ME3: variants seen among roughly 807,000 people sequenced by gnomAD.
The protein encoded by ME3 is NADP-dependent malic enzyme, mitochondrial.
In ME3, 48 loss-of-function variants were observed where a neutral mutation model predicts 68.9. The ratio of observed to expected loss-of-function variants is 0.70; its 90% CI spans 0.55 to 0.89. The LOEUF (loss-of-function observed/expected upper bound fraction) is 0.89. Ranked by LOEUF, ME3 falls within the 40% of genes least tolerant of loss-of-function variation. The pLI, the probability that ME3 is intolerant of heterozygous loss-of-function variation, is 0.00. For missense variants in ME3, 675 were observed against 797.4 expected (o/e 0.85, Z 1.85); for synonymous variants, 320 against 318.8 (o/e 1.00, Z -0.04).
rs1472761948 is a variant in ME3 at position 86,632,064 on chromosome 11, C to T, written c.183+39698G>A. Among the ~76,000 whole-genome samples, 3 of 152,166 alleles carry T rather than the reference C, an allele frequency of 2.0e-5. No individual in the cohort carries two copies. The East Asian group carries it at 5.8e-4, about 29-fold the overall frequency. ...TTTTATTTTACCTATATGAAGAAGACCACAGATGAAGAAACTGAGGCTTAA... is the reference window on the plus strand; with the variant it reads ...TTTTATTTTACCTATATGAAGAAGATCACAGATGAAGAAACTGAGGCTTAA... On this transcript the variant is annotated intron_variant, in intron 2 of 14. Transcript: ENST00000543262.
chr11:86,660,573 T>C (rs568726230), intron 2 of ME3, among the ~76,000 whole-genome samples: 2 of 152,360 alleles, frequency 1.3e-5, no homozygotes, highest in African/African-American at 4.8e-5. Flanking sequence ...TAGATTGTTC[T>C]GAGTGTAATT....
At position 86,555,640 on chromosome 11, in the gene ME3, T is replaced by C. The variant is rs146292971; in HGVS notation, c.467+913A>G. On this transcript the variant is annotated intron_variant, in intron 4 of 14. Coordinates refer to ENST00000543262, the Ensembl canonical transcript of ME3. ...GATCCGGAAAGAAACAGGACTGGCATTGGGAACACACTGTGACCATCTTGT... is the reference window on the plus strand; with the variant it reads ...GATCCGGAAAGAAACAGGACTGGCACTGGGAACACACTGTGACCATCTTGT... Among the ~76,000 whole-genome samples, 13 of 152,324 alleles carry C rather than the reference T, an allele frequency of 8.5e-5. No individual in the cohort carries two copies. The East Asian group carries it at 2.5e-3, about 29-fold the overall frequency.
intron 7 of ME3, among the ~76,000 whole-genome samples, chr11:86,481,233 T>G (rs2511086): frequency 8.6e-5 from 5 of 58,172 alleles, no homozygotes; most frequent in Non-Finnish European, 1.4e-4. Context: ...TTTTTTTTTT[T>G]GGGAGACGGG....
At chr11:86,608,801 C>CAGATAATTAACTGGTATATA (rs1942343435) in intron 2 of ME3, among the ~76,000 whole-genome samples, 1 of 152,078 alleles carries the variant, frequency 6.6e-6, no homozygotes, top group Non-Finnish European at 1.5e-5. Context: ...ACTGGTATAT[C>CAGATAATTAACTGGTATATA]AGATAATTAA....
At chr11:86,651,535 T>C (rs924657939) in intron 2 of ME3, among the ~76,000 whole-genome samples, 9 of 152,244 alleles carry the variant, frequency 5.9e-5, no homozygotes, top group Admixed American at 1.3e-4. Context: ...CTGAGGGTCC[T>C]GACTGTTAGA....
intron 2 of ME3, among the ~76,000 whole-genome samples, chr11:86,651,619 A>C (rs1945436547): frequency 6.6e-6 from 1 of 152,232 alleles, no homozygotes; most frequent in South Asian, 2.1e-4. Context: ...AAGACGAAAA[A>C]GTAGATAAAA....
chr11:86,560,753 TA>T, intron 2 of ME3, among the ~76,000 whole-genome samples: 1 of 69,208 alleles, frequency 1.4e-5, no homozygotes, highest in Non-Finnish European at 3.6e-5. Flanking sequence ...TGTGTGTATA[TA>T]TATATATATA....
chr11:86,451,593 T>G (rs1213987877), intron 8 of ME3, among the ~76,000 whole-genome samples: 1 of 152,222 alleles, frequency 6.6e-6, no homozygotes, highest in Non-Finnish European at 1.5e-5. Flanking sequence ...GCTGAGCTCC[T>G]TATGGGCACC....
chr11:86,636,571 C>G (rs1944347414), intron 2 of ME3, among the ~76,000 whole-genome samples: 1 of 152,208 alleles, frequency 6.6e-6, no homozygotes, highest in Non-Finnish European at 1.5e-5. Flanking sequence ...GCCCTCATTC[C>G]TGACTTACTC....
chr11:86,439,024 T>TAGG (rs577812610), downstream of ME3, among the ~76,000 whole-genome samples: 316 of 152,300 alleles, frequency 2.1e-3, 2 homozygotes, highest in African/African-American at 7.2e-3. Flanking sequence ...AGGCATCAGG[T>TAGG]AGGAGTAAGT....
At chr11:86,544,475 C>T (rs971563266) in intron 4 of ME3, among the ~76,000 whole-genome samples, 1 of 152,162 alleles carries the variant, frequency 6.6e-6, no homozygotes, top group Non-Finnish European at 1.5e-5. Context: ...AAGGAGATAT[C>T]ACCACTGATT....
chr11:86,436,687 T>C (rs879755268), downstream of ME3: 5 of 152,154 alleles, frequency 3.3e-5, no homozygotes, highest in Non-Finnish European at 5.9e-5. Flanking sequence ...TGGTTTGAGA[T>C]GTGTAAAGGT....
rs1487588147 is a variant in ME3 at position 86,672,057 on chromosome 11, G to T, written c.-14-99C>A. ...GGCCTGATCCGGGGACGCGCCCTCT[G>T]GGAGAGGGCAGGTGCTCCCAAAGGG... is the stretch of plus-strand genomic sequence containing the variant. On this transcript the variant is annotated intron_variant, in intron 1 of 14. Transcript: ENST00000543262. 5 of 987,638 alleles carry T rather than the reference G, an allele frequency of 5.1e-6. No homozygotes were observed. The African/African-American group carries it at 6.9e-5, about 14-fold the overall frequency. The allele number at this position is 987,638 out of a possible 1,614,324, so 61.2% of individuals were successfully genotyped here. A position where few individuals can be genotyped will look rare whatever the true frequency, so the allele number is the denominator to read the frequency against.
chr11:86,670,712 TAC>T (rs1354703144), intron 2 of ME3, among the ~76,000 whole-genome samples: 2 of 152,296 alleles, frequency 1.3e-5, no homozygotes, highest in Admixed American at 6.5e-5. Context: ...ATCTTTTCCA[TAC>T]AGACTGCCTC....
At chr11:86,614,331 A>G (rs1180921090) in intron 2 of ME3, among the ~76,000 whole-genome samples, 2 of 152,192 alleles carry the variant, frequency 1.3e-5, no homozygotes, top group Non-Finnish European at 2.9e-5. Flanking sequence ...TTGTATTTTC[A>G]CCACTTATGT....
At chr11:86,558,078 G>A (rs1287130803) in intron 3 of ME3, among the ~76,000 whole-genome samples, 1 of 152,060 alleles carries the variant, frequency 6.6e-6, no homozygotes, top group Non-Finnish European at 1.5e-5. Flanking sequence ...TCCCAGTAAT[G>A]GGCACACTCT....
intron 2 of ME3, among the ~76,000 whole-genome samples, chr11:86,601,654 A>C (rs1395343159): frequency 1.3e-5 from 2 of 151,994 alleles, no homozygotes; most frequent in Non-Finnish European, 2.9e-5. Flanking sequence ...CAACCAAAAA[A>C]GAGAATTTTA....
At chr11:86,524,733 G>A (rs597793) in intron 4 of ME3, among the ~76,000 whole-genome samples, 51,038 of 152,050 alleles carry the variant, frequency 0.34, 8,894 homozygotes, top group African/African-American at 0.44. Flanking sequence ...AAAGTGCACA[G>A]AAGTTCACTG....
At chr11:86,522,959 C>T (rs747873524) in intron 4 of ME3, among the ~76,000 whole-genome samples, 7 of 151,948 alleles carry the variant, frequency 4.6e-5, no homozygotes, top group African/African-American at 1.5e-4. Context: ...TTTTGGTATC[C>T]GGGGGGAAGG....
Sources: allele counts gnomAD v4.1 joint callset (sites outside exome capture counted in the v4.1 genomes callset), GRCh38; gene constraint gnomAD v4.1.1; transcripts MANE v1.5; gene names NCBI Gene and HGNC (gene_info 2026-07-23, HGNC 2026-07-21).